The following NRG3 variants were observed in gnomAD, a reference collection of about 807,000 sequenced individuals.
The protein encoded by NRG3 is neuregulin 3.
NRG3 carries 31 observed loss-of-function variants against 66.9 expected under a neutral mutation model. That is an observed-to-expected ratio of 0.46 (90% CI 0.35 to 0.63). The LOEUF is 0.63. NRG3 is among the 20% of genes least tolerant of loss of function. The pLI is 0.00. For missense variants in NRG3, 910 were observed against 878.9 expected (o/e 1.04, Z -0.45); for synonymous variants, 393 against 359.4 (o/e 1.09, Z -1.06).
At chr10:82,632,645 A>T (rs576394593) in intron 2 of NRG3, among the ~76,000 whole-genome samples, 2 of 152,220 alleles carry the variant, frequency 1.3e-5, no homozygotes, top group South Asian at 2.1e-4. Context: ...GTAGTATTAT[A>T]TAATTTTCCT....
chr10:82,623,050 G>C (rs953673467), intron 2 of NRG3, among the ~76,000 whole-genome samples: 1 of 151,854 alleles, frequency 6.6e-6, no homozygotes, highest in Non-Finnish European at 1.5e-5. Flanking sequence ...ATCTCTGCCA[G>C]ATATTTTTTA....
chr10:82,160,543 TTGCCCAGG>T (rs1257872224), intron 1 of NRG3, among the ~76,000 whole-genome samples: 1 of 151,942 alleles, frequency 6.6e-6, no homozygotes, highest in African/African-American at 2.4e-5. Context: ...TCTTGCTCTG[TTGCCCAGG>T]CTAGAGTGCA....
At chr10:82,757,072 T>A (rs1287587930) in intron 3 of NRG3, among the ~76,000 whole-genome samples, 2 of 152,034 alleles carry the variant, frequency 1.3e-5, no homozygotes, top group African/African-American at 4.8e-5. Flanking sequence ...CATCCGGAGC[T>A]GAAAATAGCG....
At chr10:82,581,015 G>A (rs2046328110) in intron 2 of NRG3, among the ~76,000 whole-genome samples, 2 of 151,598 alleles carry the variant, frequency 1.3e-5, no homozygotes, top group East Asian at 3.9e-4. Context: ...AGTTTTATAA[G>A]TAACTCCCAA....
intron 1 of NRG3, among the ~76,000 whole-genome samples, chr10:82,228,250 CAT>C (rs1002151806): frequency 1.3e-5 from 2 of 152,138 alleles, no homozygotes; most frequent in Admixed American, 6.5e-5. Flanking sequence ...TATATATAAA[CAT>C]AAATTTATGT....
chr10:82,157,272 TAAAG>T (rs1199059873), intron 1 of NRG3, among the ~76,000 whole-genome samples: 2 of 151,740 alleles, frequency 1.3e-5, no homozygotes, highest in African/African-American at 4.8e-5. Context: ...GTCTTGTGCT[TAAAG>T]AAAGTATATT....
intron 1 of NRG3, among the ~76,000 whole-genome samples, chr10:81,884,818 C>T (rs1233785416): frequency 6.6e-6 from 1 of 152,096 alleles, no homozygotes; most frequent in African/African-American, 2.4e-5. Context: ...GTGTACATAT[C>T]GATGAGTTTG....
chr10:82,694,016 A>T (rs1306881766), intron 2 of NRG3, among the ~76,000 whole-genome samples: 2 of 152,008 alleles, frequency 1.3e-5, no homozygotes, highest in African/African-American at 4.8e-5. Flanking sequence ...TGATTAGTCC[A>T]TTTTACAGAG....
intron 2 of NRG3, among the ~76,000 whole-genome samples, chr10:82,647,160 C>T (rs7086936): frequency 5.7e-4 from 87 of 152,088 alleles, no homozygotes; most frequent in African/African-American, 1.8e-3. Context: ...CCCACTCCCC[C>T]GACCCCACAA....
intron 1 of NRG3, among the ~76,000 whole-genome samples, chr10:82,147,897 G>C (rs1450093182): frequency 2.0e-5 from 3 of 151,974 alleles, no homozygotes; most frequent in Non-Finnish European, 4.4e-5. Flanking sequence ...ACCCAAATAG[G>C]CTTTACCTAT....
intron 1 of NRG3, among the ~76,000 whole-genome samples, chr10:82,329,237 A>T (rs2082021363): frequency 6.6e-6 from 1 of 152,186 alleles, no homozygotes. Context: ...TTTAAAAAAG[A>T]ATTATTTCTA....
At chr10:82,299,924 A>T (rs1253294068) in intron 1 of NRG3, among the ~76,000 whole-genome samples, 1 of 152,196 alleles carries the variant, frequency 6.6e-6, no homozygotes, top group Non-Finnish European at 1.5e-5. Context: ...ATTATACCTG[A>T]AAAGACATTT....
At chr10:82,505,696 A>C (rs1254067961) in intron 2 of NRG3, among the ~76,000 whole-genome samples, 2 of 152,156 alleles carry the variant, frequency 1.3e-5, no homozygotes, top group Non-Finnish European at 2.9e-5. Flanking sequence ...CTGCAATGCA[A>C]AGTCTGAAGC....
intron 1 of NRG3, chr10:81,877,610 C>A: frequency 9.9e-7 from 1 of 1,006,388 alleles, no homozygotes; most frequent in Non-Finnish European, 1.2e-6. Context: ...TAAGTAAGGT[C>A]CAGGAGAGGG....
intron 3 of NRG3, among the ~76,000 whole-genome samples, chr10:82,786,542 G>A (rs1247937770): frequency 6.6e-6 from 1 of 152,112 alleles, no homozygotes; most frequent in Non-Finnish European, 1.5e-5. Flanking sequence ...CACAGATGGA[G>A]GGGAATTTGC....
At chr10:81,947,388 G>T (rs891058267) in intron 1 of NRG3, among the ~76,000 whole-genome samples, 6 of 152,010 alleles carry the variant, frequency 3.9e-5, no homozygotes, top group African/African-American at 1.5e-4. Context: ...CTTTTTGGAG[G>T]TACACAATTC....
chr10:82,684,430 G>A (rs1296310494), intron 2 of NRG3, among the ~76,000 whole-genome samples: 2 of 151,856 alleles, frequency 1.3e-5, no homozygotes, highest in Non-Finnish European at 2.9e-5. Context: ...ATGCTTTGGG[G>A]GATATATCTT....
At chr10:82,750,218 C>A (rs946798336) in intron 3 of NRG3, among the ~76,000 whole-genome samples, 2 of 152,104 alleles carry the variant, frequency 1.3e-5, no homozygotes, top group Non-Finnish European at 2.9e-5. Flanking sequence ...CCAAGTAACA[C>A]GCCCATGATC....
intron 1 of NRG3, among the ~76,000 whole-genome samples, chr10:81,969,782 TG>T (rs2059860758): frequency 6.6e-6 from 1 of 151,806 alleles, no homozygotes; most frequent in South Asian, 2.1e-4. Context: ...AGTGTGTGTG[TG>T]TGTGTGTGTG....
Sources: gnomAD v4.1 joint callset for allele counts (sites outside exome capture counted in the v4.1 genomes callset) on GRCh38, gnomAD v4.1.1 for gene constraint, MANE v1.5 for transcripts, NCBI Gene and HGNC (gene_info 2026-07-23, HGNC 2026-07-21) for gene names.